The following ANKS1B variants were observed in gnomAD, a reference collection of about 807,000 sequenced individuals.
The protein encoded by ANKS1B is ankyrin repeat and sterile alpha motif domain-containing protein 1B.
A neutral mutation model predicts 148.3 loss-of-function variants in ANKS1B; 36 were observed. That is an observed-to-expected ratio of 0.24 (90% CI 0.19 to 0.32). The LOEUF (loss-of-function observed/expected upper bound fraction) is 0.32, where lower values mean the gene tolerates loss of function less well. Among genes scored for constraint, ANKS1B ranks in the 10% least tolerant of loss-of-function variants. The probability of loss-of-function intolerance (pLI) is 1.00; values close to 1 mark genes in which losing one functional copy is unlikely to be tolerated. For missense variants in ANKS1B, 1,157 were observed against 1,542.6 expected, an observed-to-expected ratio of 0.75 and a Z score of 4.19; for synonymous variants, 542 against 560.8, an observed-to-expected ratio of 0.97 and a Z score of 0.47.
At chr12:99,531,458 G>A (rs1193948973) in intron 9 of ANKS1B, among the ~76,000 whole-genome samples, 1 of 152,012 alleles carries the variant, frequency 6.6e-6, no homozygotes, top group Non-Finnish European at 1.5e-5. Flanking sequence ...AGGAATATGT[G>A]GTATTTGGTT....
intron 17 of ANKS1B, among the ~76,000 whole-genome samples, chr12:98,888,880 T>C (rs536828217): frequency 6.6e-6 from 1 of 152,230 alleles, no homozygotes; most frequent in Non-Finnish European, 1.5e-5. Flanking sequence ...ATCAATCCTC[T>C]CCCACTAAAT....
At chr12:98,918,478 C>T (rs1479043302) in intron 17 of ANKS1B, among the ~76,000 whole-genome samples, 2 of 152,242 alleles carry the variant, frequency 1.3e-5, no homozygotes, top group Non-Finnish European at 2.9e-5. Context: ...GTATGCCCCA[C>T]AATTTAATCC....
intron 9 of ANKS1B, chr12:99,648,370 G>A (rs1394770592): frequency 6.2e-7 from 1 of 1,614,158 alleles, no homozygotes; most frequent in Non-Finnish European, 8.5e-7. Context: ...GCACAACCGT[G>A]CCCGAATGGT....
At chr12:99,471,820 C>A (rs939220703) in intron 10 of ANKS1B, among the ~76,000 whole-genome samples, 4 of 152,012 alleles carry the variant, frequency 2.6e-5, no homozygotes, top group African/African-American at 7.2e-5. Context: ...TCTGTGAAAT[C>A]CCTGCTGCCT....
chr12:99,799,405 C>T (rs2066660436), intron 4 of ANKS1B, among the ~76,000 whole-genome samples: 1 of 152,052 alleles, frequency 6.6e-6, no homozygotes, highest in Admixed American at 6.6e-5. Flanking sequence ...CCTCTCTGAC[C>T]CTTCCGTCTC....
At chr12:99,562,598 A>G (rs1274879591) in intron 9 of ANKS1B, among the ~76,000 whole-genome samples, 1 of 152,210 alleles carries the variant, frequency 6.6e-6, no homozygotes, top group African/African-American at 2.4e-5. Context: ...AGACCTCAGG[A>G]AACTTACAAT....
intron 1 of ANKS1B, among the ~76,000 whole-genome samples, chr12:99,888,196 G>A (rs2092923532): frequency 6.6e-6 from 1 of 152,144 alleles, no homozygotes; most frequent in Non-Finnish European, 1.5e-5. Flanking sequence ...GAAGTAACAG[G>A]GGAATAATTC....
At chr12:99,135,421 T>C (rs756576045) in intron 15 of ANKS1B, among the ~76,000 whole-genome samples, 7 of 152,088 alleles carry the variant, frequency 4.6e-5, no homozygotes, top group Non-Finnish European at 1.0e-4. Flanking sequence ...CTACCAAGTG[T>C]GGAACAGGAT....
At chr12:99,254,767 T>A (rs2075059466) in intron 12 of ANKS1B, among the ~76,000 whole-genome samples, 1 of 152,210 alleles carries the variant, frequency 6.6e-6, no homozygotes, top group African/African-American at 2.4e-5. Flanking sequence ...TCTGTTCAGT[T>A]ATGTAATTTT....
At chr12:99,333,986 GTGTGAGGTTATTTTGAATTTAT>G (rs1566913116) in intron 12 of ANKS1B, among the ~76,000 whole-genome samples, 2 of 151,420 alleles carry the variant, frequency 1.3e-5, no homozygotes, top group East Asian at 3.9e-4. Context: ...TTTATGGCTG[GTGTGAGGTTATTTTGAATTTAT>G]TTAGAAAGCT....
At chr12:99,914,076 C>G (rs895133388) in intron 1 of ANKS1B, among the ~76,000 whole-genome samples, 2 of 152,164 alleles carry the variant, frequency 1.3e-5, no homozygotes, top group African/African-American at 4.8e-5. Context: ...ACAGTTCTTT[C>G]TCCATTTTCT....
chr12:98,814,356 A>G (rs2153638994), intron 19 of ANKS1B, among the ~76,000 whole-genome samples: 1 of 152,340 alleles, frequency 6.6e-6, no homozygotes, highest in East Asian at 1.9e-4. Context: ...CATATAACAC[A>G]TTCAAAAGGC....
At chr12:99,016,770 T>C (rs1318015395) in intron 17 of ANKS1B, among the ~76,000 whole-genome samples, 1 of 152,046 alleles carries the variant, frequency 6.6e-6, no homozygotes, top group Non-Finnish European at 1.5e-5. Context: ...AAGGGAAAAA[T>C]CAAAATGGAA....
intron 17 of ANKS1B, among the ~76,000 whole-genome samples, chr12:99,023,404 A>C: frequency 6.6e-6 from 1 of 152,150 alleles, no homozygotes; most frequent in African/African-American, 2.4e-5. Flanking sequence ...CTGGGTATAA[A>C]TCCTTTGAAG....
chr12:99,958,102 T>C (rs984814886), intron 1 of ANKS1B, among the ~76,000 whole-genome samples: 1 of 152,116 alleles, frequency 6.6e-6, no homozygotes, highest in Non-Finnish European at 1.5e-5. Context: ...AAGAGATGAC[T>C]ATGCCAGAGT....
intron 12 of ANKS1B, among the ~76,000 whole-genome samples, chr12:99,251,535 A>C (rs949008305): frequency 1.3e-5 from 2 of 152,200 alleles, no homozygotes; most frequent in African/African-American, 2.4e-5. Context: ...ATTTCATGCC[A>C]AGGTACAGAA....
At chr12:98,897,009 A>G (rs10444507) in intron 17 of ANKS1B, among the ~76,000 whole-genome samples, 10,687 of 152,274 alleles carry the variant, frequency 0.07, 545 homozygotes, top group Non-Finnish European at 0.11. Flanking sequence ...GGAGGTGTAA[A>G]TCACTTTTTC....
intron 14 of ANKS1B, among the ~76,000 whole-genome samples, chr12:99,227,267 C>T (rs2086093983): frequency 6.6e-6 from 1 of 152,148 alleles, no homozygotes; most frequent in African/African-American, 2.4e-5. Context: ...CTTGCTCCTA[C>T]ATTTGCTATA....
intron 12 of ANKS1B, among the ~76,000 whole-genome samples, chr12:99,274,882 T>C (rs893759113): frequency 6.6e-6 from 1 of 152,202 alleles, no homozygotes; most frequent in Non-Finnish European, 1.5e-5. Flanking sequence ...AATGAGACTT[T>C]ACTTGGGTTG....
Sources: allele counts gnomAD v4.1 joint callset (sites outside exome capture counted in the v4.1 genomes callset), GRCh38; gene constraint gnomAD v4.1.1; transcripts MANE v1.5; gene names NCBI Gene and HGNC (gene_info 2026-07-23, HGNC 2026-07-21).